Variants in ZNF716 observed in about 807,000 individuals in gnomAD.
ZNF716 encodes the protein zinc finger protein 716.
In ZNF716, 9 loss-of-function variants were observed where a neutral mutation model predicts 13.4. That is an observed-to-expected ratio of 0.67 (90% CI 0.41 to 1.18). ZNF716 has a LOEUF of 1.18. ZNF716 is among the 50% of genes most tolerant of loss of function. ZNF716 has a pLI of 0.01. For missense variants in ZNF716, 581 were observed against 576.6 expected, an observed-to-expected ratio of 1.01 and a Z score of -0.08; for synonymous variants, 186 against 195.2, an observed-to-expected ratio of 0.95 and a Z score of 0.39.
intron 1 of ZNF716, among the ~76,000 whole-genome samples, chr7:57,456,726 C>A (rs763745742): frequency 2.0e-5 from 3 of 150,214 alleles, no homozygotes; most frequent in African/African-American, 4.9e-5. Flanking sequence ...CAGAGTGAGA[C>A]TGCATTTCAA....
chr7:57,459,123 A>G (rs1413835733), intron 1 of ZNF716, among the ~76,000 whole-genome samples: 43 of 152,196 alleles, frequency 2.8e-4, no homozygotes, highest in Non-Finnish European at 3.5e-4. Flanking sequence ...TATCCTATAC[A>G]TTTTCTTTTT....
rs1789739269 is a variant in ZNF716 at position 57,463,134 on chromosome 7, T to C, written c.228T>C (p.Asn76=). The C allele has an allele frequency of 4.3e-6, 7 of 1,609,566 alleles. No individual in the cohort carries two copies. The highest frequency in any genetic ancestry group is 3.3e-4 in the Middle Eastern group (2 of 6,082). ...TGGAGCAAAATAAAGAGCCCCAGAA[T>C]ATAAAGAGAAATGAGATGGTAGCCA... ...TCLEQNKEPQ[N]IKRNEMVAKH... The change falls in exon 3 of 4, where the codon AAT becomes AAC. Residue 76 remains asparagine, a synonymous_variant. Transcript: ENST00000420713.
In ZNF716 at chr7:57,469,789, A is replaced by G. The variant is rs1554324932; in HGVS notation, c.1328A>G (p.Lys443Arg). The G allele has an allele frequency of 4.4e-6, 7 of 1,607,480 alleles. No homozygotes were observed. The highest frequency in any genetic ancestry group is 5.9e-6 in the Non-Finnish European group (7 of 1,176,630). ...EKLYKCKECG[K>R]AFTFSSTLNT... ...CTCTACAAATGTAAAGAATGTGGGA[A>G]AGCCTTTACCTTCTCCTCAACTCTA... The change falls in exon 4 of 4, where the codon AAA (lysine) becomes AGA (arginine). Residue 443 changes from lysine (K) to arginine (R), a missense_variant. By Grantham distance (26) the Lys-to-Arg change is conservative (BLOSUM62 2). Coordinates refer to ENST00000420713, the MANE Select transcript of ZNF716 (RefSeq NM_001159279.1).
Position 57,468,721 on chromosome 7 carries a change from C to A in ZNF716, c.263-3C>A. 1 of 1,593,670 alleles carries A rather than the reference C, an allele frequency of 6.3e-7. No homozygotes were observed. Among genetic ancestry groups the A allele is most frequent in the Non-Finnish European group, 8.5e-7 (1 of 1,174,584 alleles). On this transcript the variant is annotated splice_region_variant and splice_polypyrimidine_tract_variant and intron_variant, in intron 3 of 3. Coordinates refer to ENST00000420713, the MANE Select transcript of ZNF716 (RefSeq NM_001159279.1). ...AGAAACTTGTGATTTTTATGTCTTT[C>A]AGTTACATGTTCTCATTTCACCCAA... is the stretch of plus-strand genomic sequence containing the variant.
At chr7:57,464,293 G>A (rs1789765650) in intron 3 of ZNF716, among the ~76,000 whole-genome samples, 2 of 151,456 alleles carry the variant, frequency 1.3e-5, no homozygotes, top group Admixed American at 6.6e-5. Flanking sequence ...AGCTAATTTT[G>A]TATTTTTTGT....
Position 57,469,948 on chromosome 7 carries a change from A to C in ZNF716, c.1487A>C (p.Ter496SerextTer60), listed in dbSNP as rs1554325012. The change falls in exon 4 of 4, where the codon TAA (stop) becomes TCA (serine). Residue 496 changes from the stop codon to serine, a stop_lost. Transcript: ENST00000420713. ...HTGEKPYKYE[*>S] The stretch of plus-strand genomic sequence containing the variant: ...GGAGAGAAACCCTACAAATATGAAT[A>C]ATGTGGTAAAGTCCAGCCCTCAGGC... 6.5e-7 allele frequency: 1 copy of C among 1,547,482 alleles called. No homozygotes were observed. The highest frequency in any genetic ancestry group is 2.0e-5 in the Admixed American group (1 of 49,094).
chr7:57,453,621 T>C (rs1468043090), intron 1 of ZNF716, among the ~76,000 whole-genome samples: 1 of 152,216 alleles, frequency 6.6e-6, no homozygotes, highest in African/African-American at 2.4e-5. Flanking sequence ...ATTTTTTGGC[T>C]GTGTGATTTC....
At chr7:57,467,856 G>A (rs1246209228) in intron 3 of ZNF716, among the ~76,000 whole-genome samples, 5 of 151,578 alleles carry the variant, frequency 3.3e-5, no homozygotes, top group African/African-American at 4.8e-5. Flanking sequence ...CTCTCACTGA[G>A]CATAATATGG....
In ZNF716 at chr7:57,471,797, G is replaced by A. The variant is rs1317147865; in HGVS notation, c.*1848G>A. The A allele has an allele frequency of 7.5e-5, 11 of 147,138 alleles. No homozygotes were observed. The highest frequency in any genetic ancestry group is 2.7e-4 in the African/African-American group (11 of 40,584). The allele number at this position is 147,138 out of a possible 1,614,324, so 9.1% of individuals were successfully genotyped here. The stretch of plus-strand genomic sequence containing the variant: ...CATAAACATTTGAGGATTCACAGTA[G>A]AAAGAATGAAGGTGCTGAAACTTCA... On this transcript the variant is annotated 3_prime_UTR_variant, in exon 4 of 4. Transcript: ENST00000420713.
chr7:57,452,274 G>T (rs939370225), intron 1 of ZNF716, among the ~76,000 whole-genome samples: 2 of 151,806 alleles, frequency 1.3e-5, no homozygotes, highest in African/African-American at 4.8e-5. Flanking sequence ...GCATTGGATG[G>T]CACTTTAAAA....
rs1258812600 is a variant in ZNF716, at chr7:57,469,759, A to G, written c.1298A>G (p.Glu433Gly). ...LKKHKIIHTG[E>G]KLYKCKECGK... The stretch of plus-strand genomic sequence containing the variant: ...AAACATAAGATAATTCATACTGGAG[A>G]GAAACTCTACAAATGTAAAGAATGT... The change falls in exon 4 of 4, where the codon GAG becomes GGG. Residue 433 changes from glutamate (E) to glycine (G), a missense_variant. By Grantham distance (98) the Glu-to-Gly change is moderately conservative. Transcript: ENST00000420713. 3 of 1,611,280 alleles carry G rather than the reference A, an allele frequency of 1.9e-6. No homozygotes were observed. The African/African-American group carries it at 4.0e-5, about 22-fold the overall frequency.
chr7:57,463,479 C>G (rs1554323528), intron 3 of ZNF716, among the ~76,000 whole-genome samples: 1 of 152,170 alleles, frequency 6.6e-6, no homozygotes, highest in Non-Finnish European at 1.5e-5. Flanking sequence ...ACACAAATAT[C>G]TGCACATTTT....
rs1362483263 is a variant in ZNF716 at position 57,473,133 on chromosome 7, A to T, written c.*3184A>T. 6.6e-6 allele frequency: 1 copy of T among 152,196 alleles called. No individual in the cohort carries two copies. The allele number at this position is 152,196 out of a possible 1,614,324, so 9.4% of individuals were successfully genotyped here. ...TGAGTCTTGATTAAATATTTTTAAA[A>T]TTTTGTTTTATAAATTTTTTGCACA... is the stretch of plus-strand genomic sequence containing the variant. On this transcript the variant is annotated 3_prime_UTR_variant, in exon 4 of 4. Coordinates refer to ENST00000420713, the MANE Select transcript of ZNF716 (RefSeq NM_001159279.1).
In ZNF716 at chr7:57,469,432, A is replaced by G. The variant is rs1322840296; in HGVS notation, c.971A>G (p.Tyr324Cys). 1.2e-6 allele frequency: 2 copies of G among 1,613,810 alleles called. No homozygotes were observed. Among genetic ancestry groups the G allele is most frequent in the Non-Finnish European group, 1.7e-6 (2 of 1,179,952 alleles). ...HKRIHTGERPYKCEECGKAFS... is the reference protein window; with the variant it reads ...HKRIHTGERPCKCEECGKAFS... ...AGAATTCATACTGGAGAGAGACCCT[A>G]CAAATGTGAAGAATGTGGCAAAGCC... The change falls in exon 4 of 4, where the codon TAC (tyrosine) becomes TGC (cysteine). Residue 324 changes from tyrosine (Y) to cysteine (C), a missense_variant. Physicochemically the swap from Tyr to Cys is radical, Grantham distance 194. Transcript: ENST00000420713.
In ZNF716 at chr7:57,451,441, ATT is replaced by A. The variant is rs782311074; in HGVS notation, c.39+1137_39+1138del. ...CCACAGGAAATTGGTTTTCCCTTGG[ATT>A]TTTTTTTTTTTTTTTTTTTTTTGAG... On this transcript the variant is annotated intron_variant, in intron 1 of 3. Transcript: ENST00000420713. Among the ~76,000 whole-genome samples the A allele has an allele frequency of 3.5e-3, 315 of 89,002 alleles. 1 individual carries two copies. The East Asian group carries it at 0.039, about 11-fold the overall frequency. The allele number at this position is 89,002 out of a possible 152,430, so 58.4% of individuals were successfully genotyped here. A position where few individuals can be genotyped will look rare whatever the true frequency, so the allele number is the denominator to read the frequency against.
At chr7:57,467,162 A>G (rs1411574060) in intron 3 of ZNF716, among the ~76,000 whole-genome samples, 2 of 152,036 alleles carry the variant, frequency 1.3e-5, no homozygotes, top group Non-Finnish European at 2.9e-5. Flanking sequence ...TATTCTCATT[A>G]TATCTATCCC....
At chr7:57,463,219 A>G in intron 3 of ZNF716, 51 bp downstream of exon 3, 1 of 1,596,716 alleles carries the variant, frequency 6.3e-7, no homozygotes, top group South Asian at 1.1e-5. Context: ...TACAAAAGTC[A>G]AGGAGGAAGC....
rs138890349 is a variant in ZNF716 at position 57,457,842 on chromosome 7, G to T, written c.40-4618G>T. 2.5e-3 allele frequency among the ~76,000 whole-genome samples: 382 copies of T among 152,242 alleles called. 4 individuals carry two copies. Among genetic ancestry groups the T allele is most frequent in the African/African-American group, 8.7e-3 (362 of 41,534 alleles). ...CCTGAACGAGGCCTCAGAGTCTGTT[G>T]TTCTCTTATCTTTGTCCACATGTTC... On this transcript the variant is annotated intron_variant, in intron 1 of 3. Coordinates refer to ENST00000420713, the MANE Select transcript of ZNF716 (RefSeq NM_001159279.1).
rs1789973055 is a variant in ZNF716 at position 57,472,994 on chromosome 7, A to T, written c.*3045A>T. ...TGTATTTATCCTTTGTATTACAAAC[A>T]ATCCCATTATACAGTTTTAGTTATT... is the stretch of plus-strand genomic sequence containing the variant. On this transcript the variant is annotated 3_prime_UTR_variant, in exon 4 of 4. Transcript: ENST00000420713. 1 of 152,168 alleles carries T rather than the reference A, an allele frequency of 6.6e-6. No homozygotes were observed. The allele number at this position is 152,168 out of a possible 1,614,324, so 9.4% of individuals were successfully genotyped here.
Sources: gnomAD v4.1 joint callset for allele counts (sites outside exome capture counted in the v4.1 genomes callset) on GRCh38, gnomAD v4.1.1 for gene constraint, MANE v1.5 for transcripts, NCBI Gene and HGNC (gene_info 2026-07-23, HGNC 2026-07-21) for gene names.